ERBB3: variants seen among roughly 807,000 people sequenced by gnomAD.
The protein encoded by ERBB3 is erb-b2 receptor tyrosine kinase 3, also known as receptor tyrosine-protein kinase erbB-3.
Under a neutral mutation model 156.7 loss-of-function variants are expected in ERBB3, and 96 were observed. The ratio of observed to expected loss-of-function variants is 0.61; its 90% CI spans 0.52 to 0.73. ERBB3 has a LOEUF of 0.73. ERBB3 is among the 30% of genes least tolerant of loss of function. ERBB3 has a pLI of 0.00. For missense variants in ERBB3, 1,406 were observed against 1,709.4 expected (o/e 0.82, Z 3.13); for synonymous variants, 567 against 632.0 (o/e 0.90, Z 1.54).
intron 7 of ERBB3, 122 bp downstream of exon 7, chr12:56,088,284 T>G (rs933351918): frequency 9.1e-7 from 1 of 1,097,532 alleles, no homozygotes; most frequent in African/African-American, 1.5e-5. Flanking sequence ...ATGGTTATGA[T>G]CATCTAACCA....
At chr12:56,085,613 A>G in intron 3 of ERBB3, 1 of 283,930 alleles carries the variant, frequency 3.5e-6, no homozygotes, top group Non-Finnish European at 6.3e-6. Context: ...TAAAATAAAA[A>G]ATTAGCTGGC....
Position 56,093,488 on chromosome 12 carries a change from T to C in ERBB3, c.1418T>C (p.Val473Ala). The change falls in exon 12 of 28, where the codon GTG becomes GCG. Residue 473 changes from valine (V) to alanine (A), a missense_variant. Transcript: ENST00000267101. Reference protein sequence around the residue: ...CYHHSLNWTKVLRGPTEERLD... With the variant: ...CYHHSLNWTKALRGPTEERLD... ...CACCACTCTTTGAACTGGACCAAGG[T>C]GCTTCGGGGGCCTACGGAAGAGCGA... 6.2e-7 allele frequency: 1 copy of C among 1,613,904 alleles called. No homozygotes were observed. Among genetic ancestry groups the C allele is most frequent in the Non-Finnish European group, 8.5e-7 (1 of 1,179,954 alleles).
rs754937875 is a variant in ERBB3 at position 56,098,463 on chromosome 12, G to T, written c.2617-37G>T. ...CTTGGAAATCCTAAGAAAATTTGTG[G>T]AAATAAACTTGTGATACCTCTATCT... On this transcript the variant is annotated intron_variant, in intron 21 of 27. Transcript: ENST00000267101. 10 of 1,461,314 alleles carry T rather than the reference G, an allele frequency of 6.8e-6. No homozygotes were observed. The South Asian group carries it at 1.1e-4, about 17-fold the overall frequency. 90.5% of individuals were successfully genotyped at this position (1,461,314 alleles called of 1,614,324 possible).
At chr12:56,086,460 G>A in intron 3 of ERBB3, 71 bp from the exon 4 acceptor site, 4 of 1,598,428 alleles carry the variant, frequency 2.5e-6, no homozygotes, top group Admixed American at 1.7e-5. Context: ...TGTCCTTTTG[G>A]ATGGGTGGAG....
intron 17 of ERBB3, chr12:56,096,020 G>A: frequency 3.3e-6 from 2 of 615,332 alleles, no homozygotes; most frequent in South Asian, 1.9e-5. Flanking sequence ...TGGGAGGCAT[G>A]CATTCTAGTC....
rs1869120992 is a variant in ERBB3, at chr12:56,101,871, G to A, written c.3845G>A (p.Cys1282Tyr). Residue 1282 changes from cysteine (C) to tyrosine (Y), a missense_variant, in exon 28 of 28, where the codon TGC (cysteine) becomes TAC (tyrosine). Transcript: ENST00000267101. Reference sequence around the variant, plus strand: ...GGTGATTATGCAGCCATGGGGGCCTGCCCAGCATCTGAGCAAGGGTATGAA... The same window carrying A: ...GGTGATTATGCAGCCATGGGGGCCTACCCAGCATCTGAGCAAGGGTATGAA... ...PGGDYAAMGA[C>Y]PASEQGYEEM... is the part of the protein sequence containing the mutation. 1.2e-6 allele frequency: 2 copies of A among 1,613,334 alleles called. No homozygotes were observed. Among genetic ancestry groups the A allele is most frequent in the African/African-American group, 2.7e-5 (2 of 74,640 alleles).
At chr12:56,083,639 T>C (rs1868385388) in intron 1 of ERBB3, 112 bp from the exon 2 acceptor site, 2 of 1,208,704 alleles carry the variant, frequency 1.7e-6, no homozygotes, top group Admixed American at 1.7e-5. Context: ...TGCCATCTGA[T>C]CCTGTCTAAT....
chr12:56,085,581 C>T (rs1868451111), intron 3 of ERBB3: 1 of 412,708 alleles, frequency 2.4e-6, no homozygotes, highest in African/African-American at 2.0e-5. Flanking sequence ...CCTGTCTCTA[C>T]TAAAAATACA....
rs1280703415 is a variant in ERBB3 at position 56,096,470 on chromosome 12, T to C, written c.2056-33T>C. On this transcript the variant is annotated intron_variant, in intron 17 of 27. Coordinates refer to ENST00000267101, the MANE Select transcript of ERBB3 (RefSeq NM_001982.4). ...TTGGAGTGGGACATGGGAATGGCCT[T>C]TCCTGAGTAACTCCTTCCCATTTGC... 2.5e-6 allele frequency: 4 copies of C among 1,612,990 alleles called. No individual in the cohort carries two copies. The South Asian group carries it at 3.3e-5, about 13-fold the overall frequency.
intron 10 of ERBB3, 58 bp downstream of exon 10, chr12:56,092,878 G>A (rs554841790): frequency 1.0e-5 from 16 of 1,562,890 alleles, no homozygotes; most frequent in Admixed American, 5.0e-5. Flanking sequence ...GGCATAAATT[G>A]CGGTATAACT....
At chr12:56,085,392 G>A in intron 3 of ERBB3, 1 of 1,444,330 alleles carries the variant, frequency 6.9e-7, no homozygotes, top group Non-Finnish European at 9.1e-7. Context: ...GGAACCCTGT[G>A]TCCTTGTGGG....
chr12:56,096,625 G>C lies in ERBB3; in HGVS notation c.2175+3G>C, dbSNP rs1868897018. The stretch of plus-strand genomic sequence containing the variant: ...GTGTCTTTGGAACTGTGCACAAAGT[G>C]AGTGACCCATAGGAATTCTGGAGAG... On this transcript the variant is annotated splice_donor_region_variant and intron_variant, in intron 18 of 27. Coordinates refer to ENST00000267101, the MANE Select transcript of ERBB3 (RefSeq NM_001982.4). The C allele has an allele frequency of 6.2e-7, 1 of 1,614,180 alleles. No homozygotes were observed. Among genetic ancestry groups the C allele is most frequent in the Non-Finnish European group, 8.5e-7 (1 of 1,180,030 alleles).
intron 1 of ERBB3, among the ~76,000 whole-genome samples, chr12:56,083,104 C>T (rs77313500): frequency 3.3e-5 from 5 of 152,114 alleles, no homozygotes; most frequent in Non-Finnish European, 7.4e-5. Flanking sequence ...AGAGCTCCCC[C>T]CTCTACTGAG....
chr12:56,098,064 A>G, intron 21 of ERBB3, 124 bp downstream of exon 21: 1 of 932,824 alleles, frequency 1.1e-6, no homozygotes, highest in Non-Finnish European at 1.6e-6. Flanking sequence ...AAGGCTGCAG[A>G]TGCCAGATAT....
At chr12:56,083,128 G>C (rs1435105053) in intron 1 of ERBB3, among the ~76,000 whole-genome samples, 2 of 152,102 alleles carry the variant, frequency 1.3e-5, no homozygotes, top group Non-Finnish European at 2.9e-5. Context: ...ACTTGTCTGA[G>C]CCCAAGGCTT....
At chr12:56,092,175 G>A (rs1287392484) in intron 9 of ERBB3, among the ~76,000 whole-genome samples, 1 of 151,210 alleles carries the variant, frequency 6.6e-6, no homozygotes, top group Non-Finnish European at 1.5e-5. Context: ...GGATCACAAG[G>A]TCAGGAGTTC....
At chr12:56,101,400 C>G (rs772010472) in intron 27 of ERBB3, 39 bp downstream of exon 27, 1 of 1,607,976 alleles carries the variant, frequency 6.2e-7, no homozygotes, top group Non-Finnish European at 8.5e-7. Flanking sequence ...AATTTTTCCT[C>G]GAATTCTTTC....
At chr12:56,093,621 C>A in intron 12 of ERBB3, 71 bp downstream of exon 12, 1 of 1,559,864 alleles carries the variant, frequency 6.4e-7, no homozygotes, top group Non-Finnish European at 8.8e-7. Flanking sequence ...GACTATTCTG[C>A]CCTAGACGTG....
intron 1 of ERBB3, among the ~76,000 whole-genome samples, chr12:56,083,098 C>T (rs1448353185): frequency 6.6e-6 from 1 of 152,082 alleles, no homozygotes; most frequent in Admixed American, 6.5e-5. Context: ...ACTGCCAGAG[C>T]TCCCCCCTCT....
Sources: allele counts gnomAD v4.1 joint callset (sites outside exome capture counted in the v4.1 genomes callset), GRCh38; gene constraint gnomAD v4.1.1; transcripts MANE v1.5; gene names NCBI Gene and HGNC (gene_info 2026-07-23, HGNC 2026-07-21).